NBPF19: variants seen among roughly 807,000 people sequenced by gnomAD.
NBPF19 encodes the protein NBPF member 19.
In NBPF19, 30 loss-of-function variants were observed where a neutral mutation model predicts 45.9. The ratio of observed to expected loss-of-function variants is 0.65; its 90% confidence interval spans 0.49 to 0.89. The LOEUF (loss-of-function observed/expected upper bound fraction) is 0.89, where lower values mean the gene tolerates loss of function less well. NBPF19 is among the 40% of genes least tolerant of loss of function. NBPF19 has a pLI of 0.00. For missense variants in NBPF19, 495 were observed against 471.8 expected (o/e 1.05, Z -0.46); for synonymous variants, 183 against 181.2 (o/e 1.01, Z -0.08).
chr1:149,484,465 G>T, intron 7 of NBPF19, among the ~76,000 whole-genome samples: 1 of 144,598 alleles, frequency 6.9e-6, no homozygotes, highest in Non-Finnish European at 1.5e-5. Flanking sequence ...CCTGCACGTT[G>T]TGCACATGTA....
chr1:149,519,433 CTCTCTCTCTCTCTG>C (rs2086606335), intron 49 of NBPF19, among the ~76,000 whole-genome samples: 1 of 14,456 alleles, frequency 6.9e-5, no homozygotes, highest in African/African-American at 3.0e-4. Flanking sequence ...TGAGCTCGTT[CTCTCTCTCTCTCTG>C]TGTGTGTGTG....
chr1:149,554,437 G>T lies in NBPF19; in HGVS notation c.11289-58G>T, dbSNP rs1233373550. 2.2e-5 allele frequency: 35 copies of T among 1,607,510 alleles called. 1 individual carries two copies. The highest frequency in any genetic ancestry group is 9.4e-5 in the African/African-American group (7 of 74,540). Reference sequence around the variant, plus strand: ...CTTATGTGACTTCTGAAATCTAGTGGGGCTCTGTGGTGTCTGATTTTCCCT... The same window carrying T: ...CTTATGTGACTTCTGAAATCTAGTGTGGCTCTGTGGTGTCTGATTTTCCCT... On this transcript the variant is annotated intron_variant, in intron 93 of 93. Transcript: ENST00000651566.
In NBPF19 at chr1:149,554,715, A is replaced by T. The variant is rs1312332819; in HGVS notation, c.11509A>T (p.Met3837Leu). 89 of 1,608,202 alleles carry T rather than the reference A, an allele frequency of 5.5e-5. No individual in the cohort carries two copies. In the African/African-American group the frequency reaches 1.1e-3, roughly 20 times the overall value. ...GACAAGTCTCCATCTGGTGTTCCAGATGTTAGTCATATTCCCACAATAGGC... is the reference window on the plus strand; with the variant it reads ...GACAAGTCTCCATCTGGTGTTCCAGTTGTTAGTCATATTCCCACAATAGGC... Reference protein sequence around the residue: ...TVTSLHLVFQMLVIFPQ With the variant: ...TVTSLHLVFQLLVIFPQ The change falls in exon 94 of 94, where the codon ATG becomes TTG. Residue 3837 changes from methionine to leucine, a missense_variant. Around this residue, in one of 8 missense-constraint regions of NBPF19, gnomAD observed 248 missense variants for 95.4 expected, o/e 2.60. Transcript: ENST00000651566.
chr1:149,491,453 A>G (rs2085859404), intron 14 of NBPF19, 142 bp downstream of exon 14: 1 of 72,076 alleles, frequency 1.4e-5, no homozygotes, highest in African/African-American at 5.9e-4. Flanking sequence ...GTTGAATGAA[A>G]CTCTAGTTCT....
rs1222756669 is a variant in NBPF19 at position 149,492,537 on chromosome 1, GTCTC to G, written c.1773-223_1773-220del. Reference sequence around the variant, plus strand: ...TCACTTTCTCTCTGTCTCTGTCTCTGTCTCTCTCTCTGTCTCTGTCTCTCTCTCT... The same window carrying G: ...TCACTTTCTCTCTGTCTCTGTCTCTGTCTCTCTGTCTCTGTCTCTCTCTCT... On this transcript the variant is annotated intron_variant, in intron 15 of 93. Transcript: ENST00000651566. Among the ~76,000 whole-genome samples the G allele has an allele frequency of 1.6e-4, 20 of 121,448 alleles. 2 individuals carry two copies. Among genetic ancestry groups the G allele is most frequent in the Non-Finnish European group, 1.7e-4 (10 of 57,162 alleles). 79.7% of individuals were successfully genotyped at this position (121,448 alleles called of 152,430 possible).
In NBPF19 at chr1:149,554,604, C is replaced by T. The variant is rs2087198830; in HGVS notation, c.11398C>T (p.His3800Tyr). 9.9e-6 allele frequency: 16 copies of T among 1,608,166 alleles called. No homozygotes were observed. The South Asian group carries it at 1.2e-4, about 12-fold the overall frequency. ...MYFELPDSFQHYRSVFYSFEE... is the reference protein window; with the variant it reads ...MYFELPDSFQYYRSVFYSFEE... ...CTTTGAACTACCTGACTCATTCCAG[C>T]ACTACAGAAGTGTGTTTTACTCATT... is the stretch of plus-strand genomic sequence containing the variant. Residue 3800 changes from histidine to tyrosine, a missense_variant, in exon 94 of 94, where the codon CAC becomes TAC. Around this residue, in one of 8 missense-constraint regions of NBPF19, gnomAD observed 248 missense variants for 95.4 expected, o/e 2.60. Coordinates refer to ENST00000651566, the MANE Select transcript of NBPF19 (RefSeq NM_001351365.2).
At chr1:149,479,535 C>G (rs1430996267) in intron 4 of NBPF19, among the ~76,000 whole-genome samples, 1 of 149,004 alleles carries the variant, frequency 6.7e-6, no homozygotes, top group Non-Finnish European at 1.5e-5. Context: ...TTGCAAGGGT[C>G]TGAAGCATCC....
rs1436089694 is a variant in NBPF19, at chr1:149,554,580, T to C, written c.11374T>C (p.Phe3792Leu). Residue 3792 changes from phenylalanine to leucine, a missense_variant, in exon 94 of 94, where the codon TTT (phenylalanine) becomes CTT (leucine). Transcript: ENST00000651566. ...DGCYSTPSMY[F>L]ELPDSFQHYR... ...ATGTTATTCGACTCCGTCAATGTAC[T>C]TTGAACTACCTGACTCATTCCAGCA... 1 of 1,608,330 alleles carries C rather than the reference T, an allele frequency of 6.2e-7. No homozygotes were observed. The highest frequency in any genetic ancestry group is 2.2e-5 in the East Asian group (1 of 44,852).
chr1:149,554,217 C>G (rs1463217686), intron 93 of NBPF19, among the ~76,000 whole-genome samples: 3 of 151,118 alleles, frequency 2.0e-5, no homozygotes, highest in East Asian at 1.9e-4. Flanking sequence ...TCAGAGTGTC[C>G]TTTTACTCCC....
At chr1:149,479,847 G>C (rs1178891336) in intron 4 of NBPF19, among the ~76,000 whole-genome samples, 1 of 150,668 alleles carries the variant, frequency 6.6e-6, no homozygotes, top group Non-Finnish European at 1.5e-5. Context: ...CTGGCAGGAT[G>C]GGGGAGACAG....
At chr1:149,481,580 A>G (rs1333320704) in intron 6 of NBPF19, among the ~76,000 whole-genome samples, 1 of 106,292 alleles carries the variant, frequency 9.4e-6, no homozygotes, top group Admixed American at 1.1e-4. Context: ...TCCCAGATTC[A>G]AGTGATTCTC....
In NBPF19 at chr1:149,556,014, A is replaced by G. The variant is rs2087241711; in HGVS notation, c.*1276A>G. ...AGTACTTGGGAAAGCGGTTTTCAAG[A>G]GTATAAATATCCTGTATTCTAATGA... On this transcript the variant is annotated 3_prime_UTR_variant, in exon 94 of 94. Transcript: ENST00000651566. 6.9e-6 allele frequency: 1 copy of G among 144,060 alleles called. No individual in the cohort carries two copies. The highest frequency in any genetic ancestry group is 1.5e-5 in the Non-Finnish European group (1 of 65,328). The allele number at this position is 144,060 out of a possible 1,614,324, so 8.9% of individuals were successfully genotyped here.
At chr1:149,487,815 GT>G (rs2085689754) in intron 9 of NBPF19, among the ~76,000 whole-genome samples, 197 bp from the exon 10 acceptor site, 1 of 144,526 alleles carries the variant, frequency 6.9e-6, no homozygotes, top group African/African-American at 2.5e-5. Context: ...GTGTGTGTGT[GT>G]GTGTGTGTCT....
rs1428070339 is a variant in NBPF19, at chr1:149,478,077, C to T, written c.278+30C>T. The T allele has an allele frequency of 2.2e-4, 342 of 1,543,690 alleles. 7 individuals carry two copies. Among genetic ancestry groups the T allele is most frequent in the Non-Finnish European group, 2.7e-4 (300 of 1,125,360 alleles). On this transcript the variant is annotated intron_variant, in intron 3 of 93. Coordinates refer to ENST00000651566, the MANE Select transcript of NBPF19 (RefSeq NM_001351365.2). The stretch of plus-strand genomic sequence containing the variant: ...GGGGACCCCGTGGGGGGAGGGCAGG[C>T]GGGTAGGTGTGTAGATCTCTGAAGT...
intron 15 of NBPF19, among the ~76,000 whole-genome samples, chr1:149,492,555 G>GTC (rs1284064788): frequency 8.0e-6 from 1 of 125,478 alleles, no homozygotes; most frequent in Non-Finnish European, 1.7e-5. Context: ...CTCTGTCTCT[G>GTC]TCTCTCTCTC....
At chr1:149,476,613 C>CT in intron 2 of NBPF19, among the ~76,000 whole-genome samples, 1 of 104,418 alleles carries the variant, frequency 9.6e-6, no homozygotes, top group Non-Finnish European at 2.1e-5. Context: ...CTAATAGAAC[C>CT]TGTGCTATCT....
rs1351192824 is a variant in NBPF19, at chr1:149,475,413, A to G, written c.-418A>G. On this transcript the variant is annotated 5_prime_UTR_variant, in exon 1 of 94. It adds an upstream start codon to the 5' untranslated region. Coordinates refer to ENST00000651566, the MANE Select transcript of NBPF19 (RefSeq NM_001351365.2). The stretch of plus-strand genomic sequence containing the variant: ...TGATGATGTTGTACAGACAAGAGAT[A>G]AACAGTGAGGAATATGCTTAGATGT... Among the ~76,000 whole-genome samples the G allele has an allele frequency of 1.3e-4, 20 of 150,630 alleles. 1 individual carries two copies. Among genetic ancestry groups the G allele is most frequent in the African/African-American group, 4.4e-4 (18 of 40,990 alleles).
At chr1:149,490,906 G>T (rs2085826401) in intron 13 of NBPF19, among the ~76,000 whole-genome samples, 2 of 132,018 alleles carry the variant, frequency 1.5e-5, no homozygotes, top group South Asian at 5.3e-4. Flanking sequence ...CTCTGTGTGT[G>T]TGTGTGTGTG....
chr1:149,494,445 T>C lies in NBPF19; in HGVS notation c.2125T>C (p.Tyr709His). ...DLGQPYSSAV[Y>H]SLEEQYLGLA... ...AGGCCAGCCCTACAGCAGTGCTGTT[T>C]ACTCATTGGAGGAACAGTACCTTGG... Residue 709 changes from tyrosine (Y) to histidine (H), a missense_variant, in exon 18 of 94, where the codon TAC (tyrosine) becomes CAC (histidine). By Grantham distance (83) the Tyr-to-His change is moderately conservative. This residue lies in a region of NBPF19 where 11 missense variants were observed against 40.4 expected (regional missense o/e 0.27). Coordinates refer to ENST00000651566, the MANE Select transcript of NBPF19 (RefSeq NM_001351365.2). 7.8e-6 allele frequency: 2 copies of C among 257,164 alleles called. No individual in the cohort carries two copies. The highest frequency in any genetic ancestry group is 1.3e-5 in the Non-Finnish European group (2 of 149,540). 15.9% of individuals were successfully genotyped at this position (257,164 alleles called of 1,614,324 possible). A position where few individuals can be genotyped will look rare whatever the true frequency, so the allele number is the denominator to read the frequency against.
Sources: gnomAD v4.1 joint callset for allele counts (sites outside exome capture counted in the v4.1 genomes callset) on GRCh38, gnomAD v4.1.1 for gene constraint, gnomAD v4.1.1 regional missense constraint, MANE v1.5 for transcripts, NCBI Gene and HGNC (gene_info 2026-07-23, HGNC 2026-07-21) for gene names.